STMP1: variants seen among roughly 807,000 people sequenced by gnomAD.
STMP1 encodes the protein mitolamban.
STMP1 carries 7 observed loss-of-function variants against 7.0 expected under a neutral mutation model. That is an observed-to-expected ratio of 1.01 (90% CI 0.57 to 1.89). The LOEUF is 1.89. Ranked by LOEUF, STMP1 falls within the 40% of genes most tolerant of loss-of-function variation. The pLI is 0.00. For missense variants in STMP1, 45 were observed against 53.0 expected (o/e 0.85, Z 0.47); for synonymous variants, 19 against 18.4 (o/e 1.03, Z -0.08).
chr7:135,670,299 A>T (rs1029867112), intron 1 of STMP1, among the ~76,000 whole-genome samples: 27 of 152,260 alleles, frequency 1.8e-4, no homozygotes, highest in African/African-American at 6.3e-4. Context: ...TGACCATGTG[A>T]TATGGGGGAA....
chr7:135,664,811 A>G (rs1013008003), intron 1 of STMP1, among the ~76,000 whole-genome samples: 1 of 152,152 alleles, frequency 6.6e-6, no homozygotes, highest in Non-Finnish European at 1.5e-5. Flanking sequence ...CACTGACTCT[A>G]AAGTTGAGCA....
At chr7:135,667,787 AT>A (rs1328308030) in intron 1 of STMP1, among the ~76,000 whole-genome samples, 1 of 149,394 alleles carries the variant, frequency 6.7e-6, no homozygotes, top group Non-Finnish European at 1.5e-5. Flanking sequence ...GATATTTTTA[AT>A]TTTGATGAAG....
chr7:135,662,896 A>G (rs1795249755), intron 1 of STMP1, among the ~76,000 whole-genome samples: 3 of 152,180 alleles, frequency 2.0e-5, no homozygotes, highest in South Asian at 2.1e-4. Context: ...CAATCTTTGT[A>G]TTAAAGCTTG....
intron 1 of STMP1, among the ~76,000 whole-genome samples, chr7:135,668,948 A>C (rs1377333854): frequency 6.6e-6 from 1 of 152,164 alleles, no homozygotes; most frequent in Non-Finnish European, 1.5e-5. Flanking sequence ...GGTAATTTAC[A>C]TGGGAAAAAG....
chr7:135,667,451 G>A (rs528072332), intron 1 of STMP1, among the ~76,000 whole-genome samples: 11 of 152,214 alleles, frequency 7.2e-5, no homozygotes, highest in Non-Finnish European at 1.3e-4. Flanking sequence ...GACCTCAGGT[G>A]ATCCCCCAAC....
intron 1 of STMP1, among the ~76,000 whole-genome samples, chr7:135,662,880 A>G (rs563470140): frequency 7.6e-4 from 115 of 152,306 alleles, no homozygotes; most frequent in African/African-American, 2.7e-3. Flanking sequence ...CCCCGCGCTC[A>G]TTGTGCAATC....
chr7:135,667,534 GT>G (rs747147879), intron 1 of STMP1, among the ~76,000 whole-genome samples: 1 of 152,114 alleles, frequency 6.6e-6, no homozygotes, highest in African/African-American at 2.4e-5. Flanking sequence ...TTTAAATTGA[GT>G]TTTTTTGTGT....
intron 2 of STMP1, chr7:135,673,039 A>G (rs1584707240): frequency 7.5e-6 from 4 of 531,282 alleles, no homozygotes; most frequent in African/African-American, 5.7e-5. Context: ...AGCTGGGCTC[A>G]TGATCATCCT....
At chr7:135,665,514 C>G (rs755417348) in intron 1 of STMP1, 1 of 151,826 alleles carries the variant, frequency 6.6e-6, no homozygotes, top group Non-Finnish European at 1.5e-5. Flanking sequence ...TCTTGAACTC[C>G]CAGGCTGAAG....
intron 1 of STMP1, among the ~76,000 whole-genome samples, chr7:135,663,239 ATTGC>A (rs746672087): frequency 2.6e-5 from 4 of 152,250 alleles, no homozygotes; most frequent in Non-Finnish European, 4.4e-5. Context: ...TATTTCAAAA[ATTGC>A]TTGGTGAAGG....
intron 1 of STMP1, among the ~76,000 whole-genome samples, chr7:135,667,032 G>C (rs182513061): frequency 2.6e-5 from 4 of 152,116 alleles, no homozygotes; most frequent in Admixed American, 6.6e-5. Flanking sequence ...CCAACATTTC[G>C]TGTAGCTCTT....
At chr7:135,670,079 T>C (rs1306140137) in intron 1 of STMP1, among the ~76,000 whole-genome samples, 1 of 152,208 alleles carries the variant, frequency 6.6e-6, no homozygotes, top group Non-Finnish European at 1.5e-5. Flanking sequence ...GTACACTACT[T>C]TCCTCATCTC....
chr7:135,670,155 G>A (rs2129493304), intron 1 of STMP1, among the ~76,000 whole-genome samples: 1 of 152,304 alleles, frequency 6.6e-6, no homozygotes, highest in South Asian at 2.1e-4. Flanking sequence ...GTGAAAAGAA[G>A]CTACTTTTTC....
chr7:135,665,139 T>C (rs1352248220), intron 1 of STMP1, among the ~76,000 whole-genome samples: 1 of 152,212 alleles, frequency 6.6e-6, no homozygotes, highest in Non-Finnish European at 1.5e-5. Flanking sequence ...TGAACCCTGA[T>C]TGAGTTTCTT....
chr7:135,670,076 ACTT>A (rs1173880787), intron 1 of STMP1, among the ~76,000 whole-genome samples: 1 of 152,116 alleles, frequency 6.6e-6, no homozygotes, highest in Non-Finnish European at 1.5e-5. Flanking sequence ...CCTGTACACT[ACTT>A]TCCTCATCTC....
chr7:135,675,090 G>A lies in STMP1; in HGVS notation c.*925G>A, dbSNP rs1035234944. The A allele has an allele frequency of 1.3e-5, 2 of 152,062 alleles. No homozygotes were observed. Among genetic ancestry groups the A allele is most frequent in the Admixed American group, 6.6e-5 (1 of 15,266 alleles). The allele number at this position is 152,062 out of a possible 1,614,324, so 9.4% of individuals were successfully genotyped here. On this transcript the variant is annotated 3_prime_UTR_variant, in exon 3 of 3. Transcript: ENST00000507606. ...TGTAGTTGATGCTTTGTTTTTTCCT[G>A]CAGTCAGAAATTCCTTGTATTTGTC... is the stretch of plus-strand genomic sequence containing the variant.
intron 1 of STMP1, among the ~76,000 whole-genome samples, chr7:135,671,311 A>C (rs1795355928): frequency 6.6e-6 from 1 of 152,216 alleles, no homozygotes. Flanking sequence ...ACCCAGCTGC[A>C]TTCTGTTCCC....
At position 135,675,601 on chromosome 7, in the gene STMP1, T is replaced by A. The variant is rs1315625617; in HGVS notation, c.*1436T>A. On this transcript the variant is annotated 3_prime_UTR_variant, in exon 3 of 3. Coordinates refer to ENST00000507606, the MANE Select transcript of STMP1 (RefSeq NM_001130929.2). ...GCTATAAGATGAAGTCCTAAAAGTA[T>A]AATTTAGACTAAATACAAATACCCA... 6.6e-6 allele frequency: 1 copy of A among 152,226 alleles called. No homozygotes were observed. Among genetic ancestry groups the A allele is most frequent in the African/African-American group, 2.4e-5 (1 of 41,470 alleles). 9.4% of individuals were successfully genotyped at this position (152,226 alleles called of 1,614,324 possible).
At position 135,675,756 on chromosome 7, in the gene STMP1, T is replaced by C. The variant is rs1030851795; in HGVS notation, c.*1591T>C. The C allele has an allele frequency of 3.9e-5, 6 of 152,206 alleles. No individual in the cohort carries two copies. The highest frequency in any genetic ancestry group is 8.8e-5 in the Non-Finnish European group (6 of 68,032). 9.4% of individuals were successfully genotyped at this position (152,206 alleles called of 1,614,324 possible). On this transcript the variant is annotated 3_prime_UTR_variant, in exon 3 of 3. Coordinates refer to ENST00000507606, the MANE Select transcript of STMP1 (RefSeq NM_001130929.2). The stretch of plus-strand genomic sequence containing the variant: ...CAGAGCATCTTTTTTCAGACAGTGA[T>C]GACATTGATTCTGTATATGATAAAG...
Sources: gnomAD v4.1 joint callset for allele counts (sites outside exome capture counted in the v4.1 genomes callset) on GRCh38, gnomAD v4.1.1 for gene constraint, MANE v1.5 for transcripts, NCBI Gene and HGNC (gene_info 2026-07-23, HGNC 2026-07-21) for gene names.